Variants in ZC3H4 observed in about 807,000 individuals in gnomAD.
The protein encoded by ZC3H4 is zinc finger CCCH domain-containing protein 4.
ZC3H4 carries 13 observed loss-of-function variants against 108.3 expected under a neutral mutation model. That is an observed-to-expected ratio of 0.12 (90% CI 0.08 to 0.19). The LOEUF is 0.19. Ranked by LOEUF, ZC3H4 falls within the 10% of genes least tolerant of loss-of-function variation. The pLI is 1.00. For synonymous variants in ZC3H4, 917 were observed against 749.6 expected (o/e 1.22, Z -3.65); for missense variants, 1,734 against 1,838.8 (o/e 0.94, Z 1.04).
intron 13 of ZC3H4, 117 bp downstream of exon 13, chr19:47,071,661 G>A: frequency 9.1e-7 from 1 of 1,098,626 alleles, no homozygotes; most frequent in Admixed American, 2.9e-5. Flanking sequence ...ATGGGACAGA[G>A]ATGGAGTCAT....
chr19:47,072,846 C>T lies in ZC3H4; in HGVS notation c.1441-133G>A, dbSNP rs2057355050. 2.0e-6 allele frequency: 2 copies of T among 997,002 alleles called. No homozygotes were observed. Among genetic ancestry groups the T allele is most frequent in the East Asian group, 5.3e-5 (2 of 37,914 alleles). 61.8% of individuals were successfully genotyped at this position (997,002 alleles called of 1,614,324 possible). A position where few individuals can be genotyped will look rare whatever the true frequency, so the allele number is the denominator to read the frequency against. ...CCTTGAGATCTAAAGGCATAAAGAC[C>T]ACAATGGCTCTGTAACAAAAATCAT... On this transcript the variant is annotated intron_variant, in intron 11 of 14. Transcript: ENST00000253048. This position sits in a 1 kb window ranked among gnomAD's most constrained non-coding sequence, Gnocchi z 5.6.
At position 47,075,139 on chromosome 19, in the gene ZC3H4, A is replaced by G. The variant is rs563621117; in HGVS notation, c.1441-2426T>C. On this transcript the variant is annotated intron_variant, in intron 11 of 14. Transcript: ENST00000253048. The stretch of plus-strand genomic sequence containing the variant: ...CTGGACCCTGGAACCCCAGGGTCCA[A>G]TAAGAATGTGGCTTCATGGAGGAGG... 2.6e-5 allele frequency among the ~76,000 whole-genome samples: 4 copies of G among 152,228 alleles called. No individual in the cohort carries two copies. In the East Asian group the frequency reaches 5.8e-4, roughly 22 times the overall value.
At chr19:47,078,205 C>T (rs117254348) in intron 11 of ZC3H4, among the ~76,000 whole-genome samples, 2,275 of 152,066 alleles carry the variant, frequency 0.015, 97 homozygotes, top group Admixed American at 0.095. Flanking sequence ...TTATGTTTGG[C>T]GATAAATGAG....
intron 1 of ZC3H4, among the ~76,000 whole-genome samples, chr19:47,112,933 G>T (rs2058059806): frequency 6.6e-6 from 1 of 152,134 alleles, no homozygotes; most frequent in Admixed American, 6.5e-5. Context: ...GCGCGCGATG[G>T]AGCAAGCGAA....
Position 47,067,184 on chromosome 19 carries a change from G to A in ZC3H4, c.3084C>T (p.Gly1028=), listed in dbSNP as rs781773501. The A allele has an allele frequency of 2.9e-5, 46 of 1,610,884 alleles. No individual in the cohort carries two copies. Among genetic ancestry groups the A allele is most frequent in the Middle Eastern group, 3.3e-4 (2 of 6,060 alleles). Residue 1028 remains glycine, a synonymous_variant, in exon 15 of 15, where the codon GGC becomes GGT. Coordinates refer to ENST00000253048, the MANE Select transcript of ZC3H4 (RefSeq NM_015168.2). This position sits in a 1 kb window ranked among gnomAD's most constrained non-coding sequence, Gnocchi z 6.4. ...CCTGTGTGCTGGAATCCGTGGAGGC[G>A]CCCGGGCGCTGCCGGGCGTTGGGGG... is the stretch of plus-strand genomic sequence containing the variant. ...AGPPNARQRP[G]ASTDSSTQGA...
rs2057599675 is a variant in ZC3H4, at chr19:47,085,307, C to G, written c.967+11G>C. On this transcript the variant is annotated intron_variant, in intron 7 of 14. Coordinates refer to ENST00000253048, the MANE Select transcript of ZC3H4 (RefSeq NM_015168.2). ...CCCCACCCAGCGTGTCCTCTCCAGG[C>G]CCCTGCCCACCTCGGCCTCGGCTGT... The G allele has an allele frequency of 6.3e-7, 1 of 1,591,084 alleles. No homozygotes were observed. The highest frequency in any genetic ancestry group is 8.5e-7 in the Non-Finnish European group (1 of 1,169,792).
intron 13 of ZC3H4, among the ~76,000 whole-genome samples, chr19:47,069,693 GTAC>G (rs1487813965): frequency 1.5e-4 from 23 of 152,208 alleles, no homozygotes; most frequent in Admixed American, 1.3e-3. Flanking sequence ...AGGGATTTCT[GTAC>G]TCTTTCCTGT....
intron 2 of ZC3H4, among the ~76,000 whole-genome samples, chr19:47,110,592 GAA>G (rs1477391922): frequency 6.6e-6 from 1 of 152,138 alleles, no homozygotes; most frequent in African/African-American, 2.4e-5. Flanking sequence ...AGTAAAGGGA[GAA>G]AAAGAGGGAG....
chr19:47,067,483 C>G lies in ZC3H4; in HGVS notation c.2785G>C (p.Glu929Gln). The G allele has an allele frequency of 7.6e-6, 12 of 1,582,016 alleles. No homozygotes were observed. The highest frequency in any genetic ancestry group is 9.5e-6 in the Non-Finnish European group (11 of 1,162,544). Residue 929 changes from glutamate (E) to glutamine (Q), a missense_variant, in exon 15 of 15, where the codon GAG becomes CAG. Physicochemically the swap from Glu to Gln is conservative, Grantham distance 29. This residue lies in a region of ZC3H4 where 540 missense variants were observed against 484.1 expected (regional missense o/e 1.12). Transcript: ENST00000253048. The surrounding 1 kb of genome is among the most constrained non-coding windows in gnomAD (Gnocchi z 6.4). ...ACGGCCTTCTCCCGCAGGGCCCGCT[C>G]CCCTTCCTCCTCCTCCGTTGGGGGC... is the stretch of plus-strand genomic sequence containing the variant. Reference protein sequence around the residue: ...GPPPTEEEEGERALREKAVNI... With the variant: ...GPPPTEEEEGQRALREKAVNI...
At chr19:47,094,773 T>TCC (rs2057794651) in intron 2 of ZC3H4, among the ~76,000 whole-genome samples, 165 bp from the exon 3 acceptor site, 1 of 151,882 alleles carries the variant, frequency 6.6e-6, no homozygotes, top group African/African-American at 2.4e-5. Context: ...TCCCTTATCC[T>TCC]CCCCCTGAAA....
chr19:47,097,091 A>T, intron 2 of ZC3H4: 1 of 715,146 alleles, frequency 1.4e-6, no homozygotes, highest in Non-Finnish European at 1.7e-6. Context: ...ATCATCCAGA[A>T]TGATTCTAGA....
At chr19:47,107,128 A>G (rs1355513230) in intron 2 of ZC3H4, among the ~76,000 whole-genome samples, 1 of 152,248 alleles carries the variant, frequency 6.6e-6, no homozygotes, top group East Asian at 1.9e-4. Context: ...AAATATCTTA[A>G]GATGGCTTCC....
intron 5 of ZC3H4, among the ~76,000 whole-genome samples, chr19:47,089,204 CAA>C (rs888647856): frequency 2.6e-4 from 7 of 26,842 alleles, no homozygotes; most frequent in South Asian, 1.5e-3. Context: ...GACTCCGTCT[CAA>C]AAAAAAAAAA....
intron 9 of ZC3H4, among the ~76,000 whole-genome samples, chr19:47,083,330 G>A (rs1812079080): frequency 6.6e-6 from 1 of 150,782 alleles, no homozygotes; most frequent in South Asian, 2.1e-4. Context: ...AAAAGAGAGA[G>A]AGAGAGAGAG....
In ZC3H4 at chr19:47,090,063, C is replaced by T. The variant is rs369152417; in HGVS notation, c.619G>A (p.Asp207Asn). The change falls in exon 5 of 15, where the codon GAC becomes AAC. Residue 207 changes from aspartate to asparagine, a missense_variant. Asp to Asn is a conservative substitution (Grantham distance 23, BLOSUM62 1). Around this residue, in one of 9 missense-constraint regions of ZC3H4, gnomAD observed 403 missense variants for 457.0 expected, o/e 0.88. Transcript: ENST00000253048. ...TCCTTGCCCATGTCCTCCTCCTCGT[C>T]GCCCTCATATTCCCCATACTGCTCA... ...ENEQYGEYEGDEEEDMGKEDY... is the reference protein window; with the variant it reads ...ENEQYGEYEGNEEEDMGKEDY... 1.8e-4 allele frequency: 296 copies of T among 1,614,088 alleles called. 1 individual carries two copies. The highest frequency in any genetic ancestry group is 1.8e-3 in the Admixed American group (106 of 60,002).
At chr19:47,082,330 C>G (rs1208221116) in intron 9 of ZC3H4, 35 bp from the exon 10 acceptor site, 3 of 1,509,332 alleles carry the variant, frequency 2.0e-6, no homozygotes, top group Non-Finnish European at 9.2e-7. Flanking sequence ...AAGGTGGTGG[C>G]GTGGGAAGCT....
chr19:47,073,295 C>T (rs1369777377), intron 11 of ZC3H4, among the ~76,000 whole-genome samples: 5 of 151,988 alleles, frequency 3.3e-5, no homozygotes, highest in African/African-American at 4.8e-5. Context: ...TAATGCCAGA[C>T]GTGGTGGCTC....
At position 47,066,615 on chromosome 19, in the gene ZC3H4, T is replaced by C; in HGVS notation, c.3653A>G (p.Tyr1218Cys). ...AGCAGCCTTGGGCCGGGGCCGGTTG[T>C]AGCTGTTGTATCTGTCCGTGGGGGT... ...GGTPTDRYNS[Y>C]NRPRPKAAAA... The change falls in exon 15 of 15, where the codon TAC becomes TGC. Residue 1218 changes from tyrosine (Y) to cysteine (C), a missense_variant. Physicochemically the swap from Tyr to Cys is radical, Grantham distance 194 (BLOSUM62 -2). Coordinates refer to ENST00000253048, the MANE Select transcript of ZC3H4 (RefSeq NM_015168.2). 1 of 1,609,692 alleles carries C rather than the reference T, an allele frequency of 6.2e-7. No homozygotes were observed. The highest frequency in any genetic ancestry group is 1.7e-4 in the Middle Eastern group (1 of 5,992).
chr19:47,077,915 A>C (rs1033941830), intron 11 of ZC3H4, among the ~76,000 whole-genome samples: 1 of 152,012 alleles, frequency 6.6e-6, no homozygotes. Context: ...GTCTGTGTGC[A>C]TACTCCAAAG....
Sources: allele counts gnomAD v4.1 joint callset (sites outside exome capture counted in the v4.1 genomes callset), GRCh38; gene constraint gnomAD v4.1.1; regional missense constraint gnomAD v4.1.1; non-coding constraint Gnocchi (gnomAD v3.1); transcripts MANE v1.5; gene names NCBI Gene and HGNC (gene_info 2026-07-23, HGNC 2026-07-21).